Variants in ARMC9 observed in about 807,000 individuals in gnomAD.
The protein encoded by ARMC9 is lisH domain-containing protein ARMC9.
ARMC9 carries 94 observed loss-of-function variants against 107.0 expected under a neutral mutation model. The observed-to-expected ratio is 0.88, with a 90% confidence interval of 0.74 to 1.04. The LOEUF (loss-of-function observed/expected upper bound fraction) is 1.04, where lower values mean the gene tolerates loss of function less well. Ranked by LOEUF, ARMC9 falls within the 50% of genes least tolerant of loss-of-function variation. The probability of loss-of-function intolerance (pLI) is 0.00; values close to 1 mark genes in which losing one functional copy is unlikely to be tolerated. For synonymous variants in ARMC9, 380 were observed against 396.9 expected, an observed-to-expected ratio of 0.96 and a Z score of 0.51; for missense variants, 942 against 1,030.1, an observed-to-expected ratio of 0.91 and a Z score of 1.17.
chr2:231,313,929 T>TC (rs1387645016), intron 19 of ARMC9, among the ~76,000 whole-genome samples: 5 of 150,558 alleles, frequency 3.3e-5, no homozygotes, highest in Non-Finnish European at 7.4e-5. Flanking sequence ...CTAATTTTTT[T>TC]TTTTTTTTTT....
intron 3 of ARMC9, among the ~76,000 whole-genome samples, chr2:231,211,047 G>T (rs1292862111): frequency 6.6e-6 from 1 of 152,024 alleles, no homozygotes; most frequent in Non-Finnish European, 1.5e-5. Flanking sequence ...GCATAATGTC[G>T]TCAAAGTTCA....
intron 11 of ARMC9, among the ~76,000 whole-genome samples, chr2:231,261,989 T>C (rs2038404165): frequency 6.6e-6 from 1 of 151,610 alleles, no homozygotes; most frequent in Admixed American, 6.6e-5. Flanking sequence ...ACCCGGCTAA[T>C]TTTTTTGTAT....
At chr2:231,309,702 T>A (rs2042229914) in intron 19 of ARMC9, among the ~76,000 whole-genome samples, 1 of 151,892 alleles carries the variant, frequency 6.6e-6, no homozygotes, top group African/African-American at 2.4e-5. Context: ...CAACAGGCCA[T>A]ATACCACTTT....
At chr2:231,239,518 G>A (rs2036086821) in intron 8 of ARMC9, among the ~76,000 whole-genome samples, 1 of 152,234 alleles carries the variant, frequency 6.6e-6, no homozygotes, top group South Asian at 2.1e-4. Flanking sequence ...GAAAGCGAGA[G>A]GCAGAGCTGT....
chr2:231,326,060 C>G (rs1028120782), intron 19 of ARMC9, among the ~76,000 whole-genome samples: 2 of 152,196 alleles, frequency 1.3e-5, no homozygotes, highest in East Asian at 1.9e-4. Flanking sequence ...TCCCATTACT[C>G]TCTGTGTCCT....
chr2:231,230,222 G>A (rs1467615135), intron 7 of ARMC9, among the ~76,000 whole-genome samples: 1 of 151,930 alleles, frequency 6.6e-6, no homozygotes, highest in African/African-American at 2.4e-5. Flanking sequence ...AATTAACCGA[G>A]CGTGGCGACG....
At chr2:231,256,929 G>C (rs10181602) in intron 10 of ARMC9, among the ~76,000 whole-genome samples, 41,182 of 151,960 alleles carry the variant, frequency 0.27, 5,779 homozygotes, top group African/African-American at 0.32. Flanking sequence ...GGGTTCAAGC[G>C]ATTGTCCTGC....
intron 7 of ARMC9, among the ~76,000 whole-genome samples, chr2:231,229,750 A>G (rs2035029711): frequency 6.6e-6 from 1 of 152,220 alleles, no homozygotes; most frequent in Non-Finnish European, 1.5e-5. Context: ...TACAAACAGG[A>G]AAGAGTATAT....
At chr2:231,205,596 GA>G in intron 1 of ARMC9, among the ~76,000 whole-genome samples, 1 of 152,228 alleles carries the variant, frequency 6.6e-6, no homozygotes, top group Admixed American at 6.5e-5. Flanking sequence ...AGGGCTAGTA[GA>G]AAGAGTAGGA....
intron 17 of ARMC9, among the ~76,000 whole-genome samples, chr2:231,290,624 C>T (rs2040922690): frequency 6.6e-6 from 1 of 152,190 alleles, no homozygotes; most frequent in African/African-American, 2.4e-5. Flanking sequence ...AGACAGTGTG[C>T]TTAAGTCAGT....
rs1406017114 is a variant in ARMC9 at position 231,291,406 on chromosome 2, C to T, written c.1680C>T (p.Ile560=). The change falls in exon 18 of 25, where the codon ATC becomes ATT. Residue 560 remains isoleucine, a synonymous_variant. Transcript: ENST00000611582. ...TCAAAGAAGGCAATGCTGAAATGAT[C>T]CGCCAGATAGAATTCATCATCAAGC... ...CFIKEGNAEM[I]RQIEFIIKQL... 3 of 1,613,642 alleles carry T rather than the reference C, an allele frequency of 1.9e-6. No homozygotes were observed. Among genetic ancestry groups the T allele is most frequent in the Admixed American group, 1.7e-5 (1 of 59,984 alleles).
intron 13 of ARMC9, among the ~76,000 whole-genome samples, chr2:231,272,008 AAAAG>A (rs1234855055): frequency 1.3e-5 from 2 of 152,170 alleles, no homozygotes; most frequent in Non-Finnish European, 2.9e-5. Context: ...TCATGGAAAA[AAAAG>A]GACAATGCTC....
chr2:231,250,189 C>T (rs2037168483), intron 9 of ARMC9, among the ~76,000 whole-genome samples: 2 of 152,308 alleles, frequency 1.3e-5, no homozygotes, highest in Non-Finnish European at 1.5e-5. Flanking sequence ...GTGGAGTCCA[C>T]CCCGTGTTCA....
At chr2:231,238,056 C>T (rs946890466) in intron 8 of ARMC9, among the ~76,000 whole-genome samples, 6 of 151,852 alleles carry the variant, frequency 4.0e-5, no homozygotes, top group African/African-American at 1.2e-4. Context: ...CTTTGCCACA[C>T]GAGTTTCCAT....
At chr2:231,270,958 T>A in intron 12 of ARMC9, 24 bp from the exon 13 acceptor site, 1 of 1,609,896 alleles carries the variant, frequency 6.2e-7, no homozygotes, top group Non-Finnish European at 8.5e-7. Flanking sequence ...TAACCTTGTT[T>A]TTCCTCTTGA....
At chr2:231,263,283 CT>C (rs1346486306) in intron 12 of ARMC9, among the ~76,000 whole-genome samples, 1 of 152,206 alleles carries the variant, frequency 6.6e-6, no homozygotes, top group East Asian at 1.9e-4. Context: ...CCATTTCCTG[CT>C]GCTGTAACAG....
intron 19 of ARMC9, among the ~76,000 whole-genome samples, chr2:231,317,933 C>A (rs2042794638): frequency 6.6e-6 from 1 of 151,842 alleles, no homozygotes; most frequent in South Asian, 2.1e-4. Flanking sequence ...TCCTTTAATT[C>A]TTTGAGCATA....
At chr2:231,370,204 T>C (rs905189519) in intron 24 of ARMC9, 79 bp downstream of exon 24, 2 of 1,409,440 alleles carry the variant, frequency 1.4e-6, no homozygotes, top group Non-Finnish European at 1.9e-6. Context: ...GCTGCTATAT[T>C]TGGCCCCGTG....
intron 2 of ARMC9, among the ~76,000 whole-genome samples, chr2:231,207,867 T>A (rs1358072195): frequency 6.6e-6 from 1 of 152,212 alleles, no homozygotes; most frequent in Non-Finnish European, 1.5e-5. Flanking sequence ...CACAAGTGTT[T>A]CCTTTTCTCC....
Sources: allele counts gnomAD v4.1 joint callset (sites outside exome capture counted in the v4.1 genomes callset), GRCh38; gene constraint gnomAD v4.1.1; transcripts MANE v1.5; gene names NCBI Gene and HGNC (gene_info 2026-07-23, HGNC 2026-07-21).